FNBP1L: variants seen among roughly 807,000 people sequenced by gnomAD.
The protein encoded by FNBP1L is formin binding protein 1 like, also known as formin-binding protein 1-like.
FNBP1L carries 36 observed loss-of-function variants against 91.2 expected under a neutral mutation model. The ratio of observed to expected loss-of-function variants is 0.39; its 90% CI spans 0.30 to 0.52. The LOEUF (loss-of-function observed/expected upper bound fraction) is 0.52. FNBP1L is among the 20% of genes least tolerant of loss of function. The pLI is 0.66. For synonymous variants in FNBP1L, 242 were observed against 237.0 expected (o/e 1.02, Z -0.19); for missense variants, 571 against 732.1 (o/e 0.78, Z 2.54).
chr1:93,473,100 A>G (rs754440634), intron 1 of FNBP1L, among the ~76,000 whole-genome samples: 38 of 152,068 alleles, frequency 2.5e-4, no homozygotes, highest in Non-Finnish European at 4.9e-4. Flanking sequence ...TTTTATTCTT[A>G]GTATCATCTT....
At chr1:93,492,582 T>G (rs1176491162) in intron 1 of FNBP1L, among the ~76,000 whole-genome samples, 1 of 152,220 alleles carries the variant, frequency 6.6e-6, no homozygotes, top group Admixed American at 6.5e-5. Context: ...GTGTGGTGGC[T>G]CACGCCTATA....
chr1:93,473,904 G>T (rs1669394832), intron 1 of FNBP1L, among the ~76,000 whole-genome samples: 1 of 152,168 alleles, frequency 6.6e-6, no homozygotes, highest in Non-Finnish European at 1.5e-5. Flanking sequence ...GGCAGAAAGG[G>T]CTGCGTGACG....
At chr1:93,459,794 A>G (rs1459776193) in intron 1 of FNBP1L, among the ~76,000 whole-genome samples, 3 of 152,202 alleles carry the variant, frequency 2.0e-5, no homozygotes, top group Non-Finnish European at 4.4e-5. Flanking sequence ...CATTATTCAC[A>G]CTAGTCAAGA....
intron 2 of FNBP1L, among the ~76,000 whole-genome samples, chr1:93,513,110 A>T (rs1439957460): frequency 1.3e-5 from 2 of 152,242 alleles, no homozygotes; most frequent in Non-Finnish European, 2.9e-5. Flanking sequence ...CCACAGAAAT[A>T]CAAACGACCA....
At chr1:93,533,394 G>C (rs1671748909) in intron 8 of FNBP1L, among the ~76,000 whole-genome samples, 1 of 152,180 alleles carries the variant, frequency 6.6e-6, no homozygotes, top group African/African-American at 2.4e-5. Context: ...ATTTAGAGAA[G>C]TATGTGGTTA....
chr1:93,488,714 A>G (rs1207910495), intron 1 of FNBP1L, among the ~76,000 whole-genome samples: 1 of 152,136 alleles, frequency 6.6e-6, no homozygotes, highest in African/African-American at 2.4e-5. Flanking sequence ...TACATCAAAC[A>G]TATGTAGGCC....
chr1:93,517,012 T>A (rs899747676), intron 2 of FNBP1L, among the ~76,000 whole-genome samples: 4 of 151,792 alleles, frequency 2.6e-5, no homozygotes, highest in Non-Finnish European at 2.9e-5. Context: ...GTTCTTCCTC[T>A]TCCTCCTCCT....
chr1:93,484,813 G>T (rs1669841948), intron 1 of FNBP1L, among the ~76,000 whole-genome samples: 1 of 152,160 alleles, frequency 6.6e-6, no homozygotes, highest in African/African-American at 2.4e-5. Flanking sequence ...TGAGATGTTG[G>T]GAGGCAGAGC....
chr1:93,507,971 T>G (rs561932674), intron 2 of FNBP1L, among the ~76,000 whole-genome samples: 1 of 151,558 alleles, frequency 6.6e-6, no homozygotes, highest in East Asian at 1.9e-4. Context: ...TTTTTTTAAA[T>G]TATGAAAGCA....
At chr1:93,545,160 A>G (rs1017154647) in intron 12 of FNBP1L, among the ~76,000 whole-genome samples, 7 of 152,166 alleles carry the variant, frequency 4.6e-5, no homozygotes, top group Non-Finnish European at 1.0e-4. Context: ...TCTGTAAGGT[A>G]CAGCCTTCTT....
At chr1:93,537,698 A>G (rs1175532126) in intron 10 of FNBP1L, among the ~76,000 whole-genome samples, 1 of 152,130 alleles carries the variant, frequency 6.6e-6, no homozygotes, top group Admixed American at 6.6e-5. Flanking sequence ...ATGAGTCTGT[A>G]TGATAACTGT....
intron 15 of FNBP1L, among the ~76,000 whole-genome samples, 161 bp from the exon 16 acceptor site, chr1:93,550,786 G>C (rs1025671883): frequency 2.0e-5 from 3 of 152,148 alleles, no homozygotes; most frequent in African/African-American, 7.2e-5. Context: ...TGAAAGTGCT[G>C]GGTAAGCCAC....
chr1:93,541,095 T>C, intron 11 of FNBP1L, 39 bp downstream of exon 11: 1 of 1,522,926 alleles, frequency 6.6e-7, no homozygotes, highest in Non-Finnish European at 8.8e-7. Context: ...GTGCCAACAT[T>C]AAGTAATCTC....
chr1:93,547,558 C>T, intron 14 of FNBP1L, 117 bp downstream of exon 14: 1 of 805,042 alleles, frequency 1.2e-6, no homozygotes, highest in East Asian at 2.7e-5. Flanking sequence ...CTTTTAGTAA[C>T]CTCAGTCTTT....
intron 2 of FNBP1L, among the ~76,000 whole-genome samples, chr1:93,503,852 T>C (rs1175676583): frequency 6.6e-6 from 1 of 152,200 alleles, no homozygotes; most frequent in African/African-American, 2.4e-5. Flanking sequence ...GTTTGTATCA[T>C]TTTAGTTTTT....
At chr1:93,511,947 C>G (rs1670864796) in intron 2 of FNBP1L, among the ~76,000 whole-genome samples, 1 of 106,360 alleles carries the variant, frequency 9.4e-6, no homozygotes, top group East Asian at 2.7e-4. Context: ...GCCTGGGCGA[C>G]AGAGCGAGAC....
chr1:93,541,162 C>T, intron 11 of FNBP1L, 106 bp downstream of exon 11: 5 of 1,096,362 alleles, frequency 4.6e-6, no homozygotes, highest in Non-Finnish European at 6.6e-6. Flanking sequence ...ACGTTTTCAC[C>T]TTGTGTGTTT....
At chr1:93,513,204 C>CCAAGA (rs1240956240) in intron 2 of FNBP1L, among the ~76,000 whole-genome samples, 10 of 151,628 alleles carry the variant, frequency 6.6e-5, no homozygotes, top group African/African-American at 2.4e-4. Context: ...ATACACTCTC[C>CCAAGA]CAAGACTAAA....
intron 1 of FNBP1L, among the ~76,000 whole-genome samples, chr1:93,454,091 G>A (rs1668579533): frequency 6.6e-6 from 1 of 152,200 alleles, no homozygotes; most frequent in African/African-American, 2.4e-5. Flanking sequence ...CAGATATTGT[G>A]TCTTACTCAT....
Sources: gnomAD v4.1 joint callset for allele counts (sites outside exome capture counted in the v4.1 genomes callset) on GRCh38, gnomAD v4.1.1 for gene constraint, MANE v1.5 for transcripts, NCBI Gene and HGNC (gene_info 2026-07-23, HGNC 2026-07-21) for gene names.